LINGO2: variants seen among roughly 807,000 people sequenced by gnomAD.
LINGO2 encodes the protein leucine rich repeat and Ig domain containing 2.
Under a neutral mutation model 30.6 loss-of-function variants are expected in LINGO2, and 14 were observed. That is an observed-to-expected ratio of 0.46 (90% CI 0.30 to 0.72). LINGO2 has a LOEUF of 0.72. LINGO2 is among the 30% of genes least tolerant of loss of function. LINGO2 has a pLI of 0.07. For synonymous variants in LINGO2, 317 were observed against 288.5 expected (o/e 1.10, Z -1.00); for missense variants, 729 against 751.7 (o/e 0.97, Z 0.35).
intron 4 of LINGO2, among the ~76,000 whole-genome samples, chr9:28,070,777 T>A (rs1825451483): frequency 1.3e-5 from 2 of 152,182 alleles, no homozygotes; most frequent in African/African-American, 2.4e-5. Context: ...AGTGGCATGA[T>A]CACAGGTTCG....
the LINGO2 span, among the ~76,000 whole-genome samples, chr9:28,744,184 T>C: frequency 1.3e-5 from 2 of 151,832 alleles, no homozygotes; most frequent in South Asian, 2.1e-4. Flanking sequence ...TTATCTTTGG[T>C]TCTTTTTAAT....
chr9:28,858,393 A>G, the LINGO2 span, among the ~76,000 whole-genome samples: 3 of 152,044 alleles, frequency 2.0e-5, no homozygotes, highest in Admixed American at 1.3e-4. Flanking sequence ...CCTGACCCCA[A>G]TGTAGAACTA....
the LINGO2 span, among the ~76,000 whole-genome samples, chr9:28,767,898 T>G: frequency 6.6e-6 from 1 of 152,112 alleles, no homozygotes; most frequent in African/African-American, 2.4e-5. Flanking sequence ...GAGAGGCCAT[T>G]TAATTTGCAG....
chr9:29,082,147 C>T, the LINGO2 span, among the ~76,000 whole-genome samples: 321 of 152,222 alleles, frequency 2.1e-3, 1 homozygote, highest in African/African-American at 7.0e-3. Flanking sequence ...AAGAACAAAG[C>T]TGGAGGCATC....
chr9:29,035,782 C>G, the LINGO2 span, among the ~76,000 whole-genome samples: 24,414 of 151,710 alleles, frequency 0.16, 2,194 homozygotes, highest in South Asian at 0.21. Context: ...GTAAAATAAT[C>G]ATAAGCATTT....
intron 3 of LINGO2, among the ~76,000 whole-genome samples, chr9:28,317,023 T>C (rs1824869277): frequency 2.0e-5 from 3 of 152,188 alleles, no homozygotes; most frequent in Non-Finnish European, 4.4e-5. Flanking sequence ...ATTATCCTTA[T>C]GTTGAAGAGG....
chr9:29,012,646 G>C, the LINGO2 span, among the ~76,000 whole-genome samples: 1 of 151,966 alleles, frequency 6.6e-6, no homozygotes, highest in Non-Finnish European at 1.5e-5. Flanking sequence ...ATAATTAATA[G>C]CTTCCCTAAT....
At chr9:28,775,798 T>C in the LINGO2 span, among the ~76,000 whole-genome samples, 1 of 152,234 alleles carries the variant, frequency 6.6e-6, no homozygotes, top group African/African-American at 2.4e-5. Flanking sequence ...TGATATTTTC[T>C]AAATTTGGGG....
At chr9:29,152,791 T>C in the LINGO2 span, among the ~76,000 whole-genome samples, 1 of 152,126 alleles carries the variant, frequency 6.6e-6, no homozygotes, top group African/African-American at 2.4e-5. Flanking sequence ...TGAATGAAAA[T>C]TAAAAGTTGA....
chr9:28,689,879 C>T, the LINGO2 span, among the ~76,000 whole-genome samples: 9 of 152,228 alleles, frequency 5.9e-5, no homozygotes, highest in Admixed American at 1.3e-4. Context: ...CCATGAAATA[C>T]TATGCAGCCA....
At chr9:27,949,100 G>A (rs774730359) in exon 6 of LINGO2, 3 of 1,614,156 alleles carry the variant, frequency 1.9e-6, no homozygotes, top group South Asian at 1.1e-5. Flanking sequence ...CATTGGAAAT[G>A]GTGTCATTGG....
the LINGO2 span, among the ~76,000 whole-genome samples, chr9:28,812,350 A>T: frequency 6.6e-6 from 1 of 152,126 alleles, no homozygotes; most frequent in African/African-American, 2.4e-5. Context: ...ATGTATCTAA[A>T]TTTTTTAAAA....
At chr9:28,488,199 G>T (rs1826250448) in intron 1 of LINGO2, among the ~76,000 whole-genome samples, 1 of 152,104 alleles carries the variant, frequency 6.6e-6, no homozygotes, top group African/African-American at 2.4e-5. Context: ...AATTAATGTG[G>T]ATTCTTAAGG....
At chr9:28,411,693 C>T (rs1822770484) in intron 2 of LINGO2, among the ~76,000 whole-genome samples, 1 of 152,078 alleles carries the variant, frequency 6.6e-6, no homozygotes, top group South Asian at 2.1e-4. Flanking sequence ...GTTGTTCAAA[C>T]ATTTTATCTA....
the LINGO2 span, among the ~76,000 whole-genome samples, chr9:28,885,384 TACAC>T: frequency 6.0e-4 from 87 of 145,450 alleles, no homozygotes; most frequent in African/African-American, 1.8e-3. Context: ...CATATATATA[TACAC>T]ATACATACAT....
chr9:28,632,517 C>T (rs1402803134), intron 1 of LINGO2, among the ~76,000 whole-genome samples: 1 of 149,218 alleles, frequency 6.7e-6, no homozygotes, highest in African/African-American at 2.5e-5. Context: ...AATTCTCTCT[C>T]TCTCGATATA....
At chr9:29,094,396 A>G in the LINGO2 span, among the ~76,000 whole-genome samples, 1 of 139,436 alleles carries the variant, frequency 7.2e-6, no homozygotes, top group Non-Finnish European at 1.6e-5. Flanking sequence ...CTTAAGCAGC[A>G]TGACATAAAT....
the LINGO2 span, among the ~76,000 whole-genome samples, chr9:28,752,156 G>C: frequency 1.3e-5 from 2 of 151,790 alleles, no homozygotes; most frequent in African/African-American, 2.4e-5. Flanking sequence ...ATTGAGACTC[G>C]GGTTTGAACA....
intron 4 of LINGO2, among the ~76,000 whole-genome samples, chr9:28,145,951 T>C (rs1382732975): frequency 6.6e-6 from 1 of 152,138 alleles, no homozygotes; most frequent in African/African-American, 2.4e-5. Flanking sequence ...TGATTTGCTC[T>C]GTGCTAAGGG....
Sources: allele counts gnomAD v4.1 joint callset (sites outside exome capture counted in the v4.1 genomes callset), GRCh38; gene constraint gnomAD v4.1.1; transcripts MANE v1.5; gene names NCBI Gene and HGNC (gene_info 2026-07-23, HGNC 2026-07-21).